DAP: variants seen among roughly 807,000 people sequenced by gnomAD.
The protein encoded by DAP is death associated protein.
A neutral mutation model predicts 13.8 loss-of-function variants in DAP; 8 were observed. The ratio of observed to expected loss-of-function variants is 0.58; its 90% CI spans 0.34 to 1.05. The LOEUF is 1.05. Among genes scored for constraint, DAP ranks in the 50% least tolerant of loss-of-function variants. The pLI, the probability that DAP is intolerant of heterozygous loss-of-function variation, is 0.03. For synonymous variants in DAP, 47 were observed against 47.5 expected (o/e 0.99, Z 0.04); for missense variants, 106 against 133.2 (o/e 0.80, Z 1.01).
chr5:10,712,304 G>A (rs1254527763), intron 2 of DAP, among the ~76,000 whole-genome samples: 1 of 150,734 alleles, frequency 6.6e-6, no homozygotes, highest in Non-Finnish European at 1.5e-5. Flanking sequence ...CCCAGTCTGT[G>A]GCACTTTGTT....
chr5:10,752,799 A>G (rs1306497058), intron 1 of DAP, among the ~76,000 whole-genome samples: 3 of 152,194 alleles, frequency 2.0e-5, no homozygotes, highest in African/African-American at 7.2e-5. Flanking sequence ...CCCCTCTCCC[A>G]GGGCCAGCTG....
At chr5:10,698,474 G>A (rs913662121) in intron 2 of DAP, among the ~76,000 whole-genome samples, 10 of 152,006 alleles carry the variant, frequency 6.6e-5, no homozygotes, top group African/African-American at 2.4e-4. Flanking sequence ...AGCGCAGCAG[G>A]GCAGGCTGTG....
intron 2 of DAP, among the ~76,000 whole-genome samples, chr5:10,746,928 G>A (rs1264652414): frequency 6.6e-6 from 1 of 152,180 alleles, no homozygotes; most frequent in African/African-American, 2.4e-5. Context: ...AGCCTAGCCC[G>A]CTGAGCACTC....
chr5:10,733,186 GTGTGTGTGTGTGTGTGTGTGTA>G (rs1272082329), intron 2 of DAP, among the ~76,000 whole-genome samples: 28 of 128,152 alleles, frequency 2.2e-4, no homozygotes, highest in African/African-American at 4.9e-4. Flanking sequence ...GTGTGTGTGT[GTGTGTGTGTGTGTGTGTGTGTA>G]TACCCTACAT....
chr5:10,730,650 G>GGA (rs1739430862), intron 2 of DAP, among the ~76,000 whole-genome samples: 1 of 121,512 alleles, frequency 8.2e-6, no homozygotes, highest in African/African-American at 3.2e-5. Context: ...TGGTAGGGGG[G>GGA]AATCTTTCTC....
intron 2 of DAP, among the ~76,000 whole-genome samples, chr5:10,697,950 G>C (rs908014429): frequency 2.0e-5 from 3 of 152,132 alleles, no homozygotes; most frequent in African/African-American, 7.2e-5. Flanking sequence ...ACAGAGCTAC[G>C]CATCTAGCAA....
intron 1 of DAP, among the ~76,000 whole-genome samples, chr5:10,754,047 A>G (rs1415603585): frequency 6.6e-6 from 1 of 152,204 alleles, no homozygotes; most frequent in Non-Finnish European, 1.5e-5. Context: ...CCCAATGCGA[A>G]CAGGGCAAGG....
intron 3 of DAP, 51 bp from the exon 4 acceptor site, chr5:10,681,220 T>G: frequency 1.4e-6 from 2 of 1,411,392 alleles, no homozygotes; most frequent in Non-Finnish European, 1.9e-6. Context: ...GCATGGGGTT[T>G]GTGGGTGAGG....
intron 1 of DAP, among the ~76,000 whole-genome samples, chr5:10,758,904 G>C (rs1434777844): frequency 6.6e-6 from 1 of 152,204 alleles, no homozygotes; most frequent in Non-Finnish European, 1.5e-5. Context: ...AGTATGTACA[G>C]TTTATACCTC....
intron 2 of DAP, among the ~76,000 whole-genome samples, chr5:10,740,462 A>G (rs1247852997): frequency 1.3e-5 from 2 of 152,240 alleles, no homozygotes; most frequent in Non-Finnish European, 2.9e-5. Flanking sequence ...TAAGATACAT[A>G]CAAAGACAAC....
intron 2 of DAP, among the ~76,000 whole-genome samples, chr5:10,713,727 C>A (rs1265091101): frequency 6.6e-6 from 1 of 152,184 alleles, no homozygotes; most frequent in Non-Finnish European, 1.5e-5. Flanking sequence ...CCAGCAGGCA[C>A]GCCTGGTGTG....
chr5:10,693,134 A>ACACG (rs1462632323), intron 2 of DAP, among the ~76,000 whole-genome samples: 1 of 145,920 alleles, frequency 6.9e-6, no homozygotes, highest in Non-Finnish European at 1.5e-5. Flanking sequence ...GCACACACAC[A>ACACG]CACACACACA....
chr5:10,759,229 A>C (rs1410710844), intron 1 of DAP, among the ~76,000 whole-genome samples: 1 of 152,182 alleles, frequency 6.6e-6, no homozygotes, highest in Non-Finnish European at 1.5e-5. Flanking sequence ...TCTGTATGCA[A>C]TTTAATTACT....
At chr5:10,698,936 A>T (rs1032066603) in intron 2 of DAP, among the ~76,000 whole-genome samples, 12 of 152,240 alleles carry the variant, frequency 7.9e-5, no homozygotes, top group Non-Finnish European at 1.6e-4. Flanking sequence ...TATTCAAATT[A>T]AAAAAAATGA....
chr5:10,727,478 G>A (rs1259896893), intron 2 of DAP, among the ~76,000 whole-genome samples: 2 of 152,230 alleles, frequency 1.3e-5, no homozygotes, highest in African/African-American at 4.8e-5. Context: ...AGTCGGCCGT[G>A]AGAGGGTGGT....
At chr5:10,733,834 G>A (rs1348560153) in intron 2 of DAP, 1 of 152,194 alleles carries the variant, frequency 6.6e-6, no homozygotes, top group East Asian at 1.9e-4. Flanking sequence ...AATTATTACT[G>A]ATTCAGCAAG....
At chr5:10,723,158 A>G (rs1239115791) in intron 2 of DAP, among the ~76,000 whole-genome samples, 2 of 152,202 alleles carry the variant, frequency 1.3e-5, no homozygotes, top group Non-Finnish European at 1.5e-5. Context: ...AGCAACTAAA[A>G]AAGAAAAGCT....
intron 2 of DAP, among the ~76,000 whole-genome samples, chr5:10,721,422 G>A (rs1335274860): frequency 6.6e-6 from 1 of 151,956 alleles, no homozygotes; most frequent in African/African-American, 2.4e-5. Flanking sequence ...GACACTTTGG[G>A]CTCTTATTAC....
At chr5:10,755,609 A>G (rs1740163529) in intron 1 of DAP, among the ~76,000 whole-genome samples, 1 of 152,236 alleles carries the variant, frequency 6.6e-6, no homozygotes, top group Non-Finnish European at 1.5e-5. Context: ...GACCCCACCC[A>G]GGAGAGAAAT....
Sources: gnomAD v4.1 joint callset for allele counts (sites outside exome capture counted in the v4.1 genomes callset) on GRCh38, gnomAD v4.1.1 for gene constraint, MANE v1.5 for transcripts, NCBI Gene and HGNC (gene_info 2026-07-23, HGNC 2026-07-21) for gene names.